The following ATRNL1 variants were observed in gnomAD, a reference collection of about 807,000 sequenced individuals.
The protein encoded by ATRNL1 is attractin like 1, also known as attractin-like protein 1.
ATRNL1 carries 95 observed loss-of-function variants against 182.7 expected under a neutral mutation model. The ratio of observed to expected loss-of-function variants is 0.52; its 90% CI spans 0.44 to 0.62. ATRNL1 has a LOEUF of 0.62. ATRNL1 is among the 20% of genes least tolerant of loss of function. The pLI, the probability that ATRNL1 is intolerant of heterozygous loss-of-function variation, is 0.00. For synonymous variants in ATRNL1, 576 were observed against 568.3 expected, an observed-to-expected ratio of 1.01 and a Z score of -0.19; for missense variants, 1,471 against 1,679.5, an observed-to-expected ratio of 0.88 and a Z score of 2.17.
intron 28 of ATRNL1, among the ~76,000 whole-genome samples, chr10:115,900,195 A>G (rs1487976028): frequency 6.6e-6 from 1 of 152,212 alleles, no homozygotes; most frequent in Non-Finnish European, 1.5e-5. Context: ...CTGGTTGTCC[A>G]TATTTTTTTA....
intron 7 of ATRNL1, 31 bp downstream of exon 7, chr10:115,165,676 G>T: frequency 7.3e-7 from 1 of 1,367,198 alleles, no homozygotes; most frequent in Non-Finnish European, 9.9e-7. Context: ...ATTTTAATCA[G>T]ATTTTGTTTT....
At chr10:115,740,341 G>A (rs1555067301) in intron 27 of ATRNL1, among the ~76,000 whole-genome samples, 1 of 139,272 alleles carries the variant, frequency 7.2e-6, no homozygotes, top group African/African-American at 2.7e-5. Context: ...GCTTTATAGA[G>A]AAAGGCTCTG....
intron 19 of ATRNL1, among the ~76,000 whole-genome samples, chr10:115,355,259 G>T (rs1856451975): frequency 6.6e-6 from 1 of 152,048 alleles, no homozygotes; most frequent in Non-Finnish European, 1.5e-5. Flanking sequence ...TTCCAGTCTG[G>T]CATTGTTTAT....
intron 28 of ATRNL1, among the ~76,000 whole-genome samples, chr10:115,900,435 T>C (rs1433560974): frequency 6.6e-6 from 1 of 152,216 alleles, no homozygotes; most frequent in Non-Finnish European, 1.5e-5. Flanking sequence ...AAAGATTTCA[T>C]TTAAAAAAAT....
Position 115,691,129 on chromosome 10 carries a change from C to G in ATRNL1, c.3796-36119C>G, listed in dbSNP as rs545213671. Among the ~76,000 whole-genome samples the G allele has an allele frequency of 2.2e-4, 34 of 152,290 alleles. No individual in the cohort carries two copies. The South Asian group carries it at 7.0e-3, about 32-fold the overall frequency. On this transcript the variant is annotated intron_variant, in intron 26 of 28. Transcript: ENST00000355044. ...TTTTGGTGCTTCCTTCTGGAGAAGG[C>G]AGGTGCCCAATGTCTGTAGTTAGCC...
At chr10:115,920,393 G>A (rs1589696169) in intron 28 of ATRNL1, among the ~76,000 whole-genome samples, 1 of 152,318 alleles carries the variant, frequency 6.6e-6, no homozygotes. Context: ...GAAAGCCAGA[G>A]CTAGTACAAA....
intron 8 of ATRNL1, among the ~76,000 whole-genome samples, chr10:115,210,238 C>T (rs1554894686): frequency 6.6e-6 from 1 of 151,884 alleles, no homozygotes. Context: ...ACACAGTTTT[C>T]TCTCATAGAA....
At chr10:115,924,463 A>G (rs1434254885) in intron 28 of ATRNL1, among the ~76,000 whole-genome samples, 2 of 152,192 alleles carry the variant, frequency 1.3e-5, no homozygotes, top group Non-Finnish European at 2.9e-5. Flanking sequence ...AGTTTTCTGC[A>G]TATGGCTAAC....
At chr10:115,545,404 G>T (rs2133798976) in intron 25 of ATRNL1, among the ~76,000 whole-genome samples, 1 of 152,078 alleles carries the variant, frequency 6.6e-6, no homozygotes, top group African/African-American at 2.4e-5. Flanking sequence ...GATTTTAGTA[G>T]CCAAGTTTCT....
chr10:115,172,271 A>G (rs12240398), intron 8 of ATRNL1, among the ~76,000 whole-genome samples: 5,086 of 151,790 alleles, frequency 0.034, 280 homozygotes, highest in African/African-American at 0.11. Flanking sequence ...CTCTATTCTC[A>G]ATTCCTCCTC....
At chr10:115,826,685 C>G (rs1565414155) in intron 27 of ATRNL1, among the ~76,000 whole-genome samples, 1 of 152,042 alleles carries the variant, frequency 6.6e-6, no homozygotes, top group Non-Finnish European at 1.5e-5. Context: ...GAAAAGCTCT[C>G]GACAGTGAGT....
At chr10:115,471,357 TC>T (rs35767699) in intron 24 of ATRNL1, among the ~76,000 whole-genome samples, 1 of 150,994 alleles carries the variant, frequency 6.6e-6, no homozygotes, top group Admixed American at 6.6e-5. Context: ...TTTGAATATA[TC>T]CCCAGTGGTG....
At chr10:115,248,765 G>A (rs1397598490) in intron 10 of ATRNL1, among the ~76,000 whole-genome samples, 4 of 151,930 alleles carry the variant, frequency 2.6e-5, no homozygotes, top group Non-Finnish European at 5.9e-5. Context: ...TTTGAAGTAG[G>A]GAGCCAAAAA....
chr10:115,266,873 G>C lies in ATRNL1; in HGVS notation c.1849G>C (p.Ala617Pro), dbSNP rs782489199. Reference sequence around the variant, plus strand: ...TGTATACAAGCCTCCAAATTGCAAGGCTTTCAGAGATGAAGAACTTTGTAA... The same window carrying C: ...TGTATACAAGCCTCCAAATTGCAAGCCTTTCAGAGATGAAGAACTTTGTAA... ...ILVYKPPNCK[A>P]FRDEELCKNA... The change falls in exon 12 of 29, where the codon GCT becomes CCT. Residue 617 changes from alanine to proline, a missense_variant. Transcript: ENST00000355044. 8 of 1,612,228 alleles carry C rather than the reference G, an allele frequency of 5.0e-6. No individual in the cohort carries two copies. Among genetic ancestry groups the C allele is most frequent in the Non-Finnish European group, 5.9e-6 (7 of 1,178,894 alleles).
chr10:115,670,755 C>T (rs1945672749), intron 26 of ATRNL1, among the ~76,000 whole-genome samples: 1 of 152,078 alleles, frequency 6.6e-6, no homozygotes, highest in Non-Finnish European at 1.5e-5. Context: ...GGAGACAGTG[C>T]CCTGTGTTTC....
intron 26 of ATRNL1, among the ~76,000 whole-genome samples, chr10:115,573,675 CA>C (rs1431632206): frequency 3.9e-5 from 6 of 151,976 alleles, no homozygotes. Context: ...ACTCAGTGAG[CA>C]AGATAAATAG....
At chr10:115,891,936 G>A (rs1432513498) in intron 28 of ATRNL1, among the ~76,000 whole-genome samples, 1 of 152,098 alleles carries the variant, frequency 6.6e-6, no homozygotes, top group Non-Finnish European at 1.5e-5. Flanking sequence ...TTACAAATGT[G>A]CAGTACGGAT....
At chr10:115,480,157 AC>A (rs1467978239) in intron 24 of ATRNL1, among the ~76,000 whole-genome samples, 2 of 151,034 alleles carry the variant, frequency 1.3e-5, no homozygotes, top group East Asian at 3.9e-4. Context: ...TGATGTCTAT[AC>A]AATTTTATCA....
At chr10:115,846,600 T>C (rs77477154) in intron 27 of ATRNL1, among the ~76,000 whole-genome samples, 1,974 of 152,238 alleles carry the variant, frequency 0.013, 40 homozygotes, top group African/African-American at 0.044. Flanking sequence ...GTCTCTTCTA[T>C]AGCTCTTTAA....
Sources: gnomAD v4.1 joint callset for allele counts (sites outside exome capture counted in the v4.1 genomes callset) on GRCh38, gnomAD v4.1.1 for gene constraint, MANE v1.5 for transcripts, NCBI Gene and HGNC (gene_info 2026-07-23, HGNC 2026-07-21) for gene names.